STOX2: variants seen among roughly 807,000 people sequenced by gnomAD.
STOX2 encodes storkhead-box protein 2.
In STOX2, 28 loss-of-function variants were observed where a neutral mutation model predicts 60.9. That is an observed-to-expected ratio of 0.46 (90% confidence interval 0.34 to 0.63). STOX2 has a LOEUF of 0.63. Among genes scored for constraint, STOX2 ranks in the 30% least tolerant of loss-of-function variants. The pLI is 0.01. For synonymous variants in STOX2, 472 were observed against 463.9 expected (o/e 1.02, Z -0.22); for missense variants, 1,024 against 1,187.7 (o/e 0.86, Z 2.03).
Position 183,949,684 on chromosome 4 carries a change from C to T in STOX2, c.166+42728C>T, listed in dbSNP as rs149691041. 4.6e-5 allele frequency among the ~76,000 whole-genome samples: 7 copies of T among 152,214 alleles called. No homozygotes were observed. The East Asian group carries it at 9.6e-4, about 21-fold the overall frequency. On this transcript the variant is annotated intron_variant, in intron 1 of 3. Transcript: ENST00000308497. ...TTGTACTCCAGCCTGGGCGACAGGG[C>T]GAGACTCCGTATCAAAATCAAACAA...
intron 1 of STOX2, among the ~76,000 whole-genome samples, chr4:183,986,020 G>T (rs1732826029): frequency 6.6e-6 from 1 of 152,036 alleles, no homozygotes; most frequent in Non-Finnish European, 1.5e-5. Context: ...CTGGTGCTGG[G>T]CCCTAGGCTC....
chr4:184,008,855 T>C (rs535645600), intron 2 of STOX2, among the ~76,000 whole-genome samples: 77 of 152,366 alleles, frequency 5.1e-4, no homozygotes, highest in African/African-American at 1.8e-3. Flanking sequence ...AAAAATATTC[T>C]GTCTTTCCTG....
At chr4:183,925,769 T>G (rs78047168) in intron 1 of STOX2, among the ~76,000 whole-genome samples, 3,153 of 152,342 alleles carry the variant, frequency 0.021, 128 homozygotes, top group African/African-American at 0.071. Flanking sequence ...TTTAATGGAA[T>G]GCAGTCTTAT....
chr4:183,834,319 G>A (rs187663030), intron 1 of STOX2, among the ~76,000 whole-genome samples: 8 of 152,232 alleles, frequency 5.3e-5, no homozygotes, highest in African/African-American at 1.2e-4. Context: ...GTTTTGCACC[G>A]TGCAGCCTGT....
intron 1 of STOX2, among the ~76,000 whole-genome samples, chr4:183,908,597 T>G (rs1273922685): frequency 7.9e-5 from 12 of 151,542 alleles, no homozygotes; most frequent in Admixed American, 4.6e-4. Flanking sequence ...AGCCAGTTTT[T>G]TTTTTTTTTT....
chr4:183,816,028 C>T (rs998202706), intron 1 of STOX2, among the ~76,000 whole-genome samples: 5 of 152,286 alleles, frequency 3.3e-5, no homozygotes, highest in East Asian at 1.9e-4. Flanking sequence ...ACATCTTCCT[C>T]ACTTTGCAGG....
chr4:184,006,028 T>G (rs11132216), intron 2 of STOX2, among the ~76,000 whole-genome samples: 111,617 of 151,998 alleles, frequency 0.73, 41,970 homozygotes, highest in Non-Finnish European at 0.83. Flanking sequence ...AACTTGTTTT[T>G]AATGGTAAGT....
intron 1 of STOX2, among the ~76,000 whole-genome samples, chr4:183,968,439 T>G (rs1380386914): frequency 3.3e-5 from 5 of 151,976 alleles, no homozygotes; most frequent in Non-Finnish European, 7.4e-5. Context: ...TATGAGAAAT[T>G]TTCTTTGTTG....
Position 183,817,069 on chromosome 4 carries a change from G to A in STOX2, c.364+19014G>A, listed in dbSNP as rs145991111. Among the ~76,000 whole-genome samples, 329 of 152,332 alleles carry A rather than the reference G, an allele frequency of 2.2e-3. 8 individuals are homozygous for A. The highest frequency in any genetic ancestry group is 7.3e-3 in the African/African-American group (304 of 41,574). ...TCAACTCCTGGTGAGTGCAGCACAT[G>A]CCTCAAGTCATGAGAGATGGAAAAG... On this transcript the variant is annotated intron_variant, in intron 1 of 2. Transcript: ENST00000513034.
At chr4:183,826,851 T>G (rs958594368) in intron 1 of STOX2, among the ~76,000 whole-genome samples, 19 of 152,230 alleles carry the variant, frequency 1.2e-4, no homozygotes, top group Admixed American at 1.1e-3. Context: ...TCCTCTCTGA[T>G]CTCAGCATTG....
intron 1 of STOX2, among the ~76,000 whole-genome samples, chr4:183,881,377 C>T (rs1740955810): frequency 6.6e-6 from 1 of 152,148 alleles, no homozygotes. Context: ...GGTGGTGCGC[C>T]TGTAGCCCCA....
At chr4:183,880,497 T>G (rs963697826) in intron 1 of STOX2, among the ~76,000 whole-genome samples, 6 of 152,222 alleles carry the variant, frequency 3.9e-5, no homozygotes, top group African/African-American at 1.4e-4. Flanking sequence ...TGAAAGCTAC[T>G]GTTAGAATTT....
intron 1 of STOX2, among the ~76,000 whole-genome samples, chr4:183,868,191 A>G (rs1031833905): frequency 6.6e-6 from 1 of 152,024 alleles, no homozygotes; most frequent in African/African-American, 2.4e-5. Flanking sequence ...CATAGAAACT[A>G]CTTTGCTAAT....
At chr4:183,959,516 A>G (rs1429366487) in intron 1 of STOX2, among the ~76,000 whole-genome samples, 1 of 152,190 alleles carries the variant, frequency 6.6e-6, no homozygotes, top group African/African-American at 2.4e-5. Context: ...GATCAAATCT[A>G]AAACATGTGT....
At chr4:183,943,067 C>T (rs963279224) in intron 1 of STOX2, among the ~76,000 whole-genome samples, 6 of 152,152 alleles carry the variant, frequency 3.9e-5, no homozygotes, top group African/African-American at 1.4e-4. Flanking sequence ...CTTGAGATTC[C>T]TAACTTTAAA....
In STOX2 at chr4:184,009,375, G is replaced by C; in HGVS notation, c.537G>C (p.Thr179=). 1 of 1,613,944 alleles carries C rather than the reference G, an allele frequency of 6.2e-7. No homozygotes were observed. Among genetic ancestry groups the C allele is most frequent in the African/African-American group, 1.3e-5 (1 of 75,012 alleles). Residue 179 remains threonine (T), a synonymous_variant, in exon 3 of 4, where the codon ACG becomes ACC. Coordinates refer to ENST00000308497, the MANE Select transcript of STOX2 (RefSeq NM_020225.3). This position sits in a 1 kb window ranked among gnomAD's most constrained non-coding sequence, Gnocchi z 4.0. The part of the protein sequence containing the change: ...QCTSPQPGTI[T]PSASGCVRER... ...CCTCTCCGCAACCCGGGACCATCACGCCCTCTGCCTCAGGCTGTGTCAGGG... is the reference window on the plus strand; with the variant it reads ...CCTCTCCGCAACCCGGGACCATCACCCCCTCTGCCTCAGGCTGTGTCAGGG...
Position 183,856,961 on chromosome 4 carries a change from T to G in STOX2, c.364+58906T>G, listed in dbSNP as rs1300354569. Among the ~76,000 whole-genome samples the G allele has an allele frequency of 6.6e-6, 1 of 152,002 alleles. No individual in the cohort carries two copies. Among genetic ancestry groups the G allele is most frequent in the Non-Finnish European group, 1.5e-5 (1 of 68,000 alleles). On this transcript the variant is annotated intron_variant, in intron 1 of 2. Transcript: ENST00000513034. The surrounding 1 kb of genome is among the most constrained non-coding windows in gnomAD (Gnocchi z 4.0). ...ACATGTGAAGAGGCAGGGAGGGAGA[T>G]GAGTGGATAATTAGATTAAATTGTG... is the stretch of plus-strand genomic sequence containing the variant.
intron 1 of STOX2, among the ~76,000 whole-genome samples, chr4:183,912,025 G>A (rs1359751986): frequency 6.6e-6 from 1 of 152,142 alleles, no homozygotes; most frequent in Non-Finnish European, 1.5e-5. Flanking sequence ...GTAGGAAAAG[G>A]CTAGTCTTCT....
rs1162433951 is a variant in STOX2 at position 184,018,964 on chromosome 4, A to G, written c.*1680A>G. The stretch of plus-strand genomic sequence containing the variant: ...ATAAATCTAGAATATTTTCACCTCC[A>G]ATTTCAGTAATTGGCATATGATTTG... On this transcript the variant is annotated 3_prime_UTR_variant, in exon 4 of 4. Transcript: ENST00000308497. The G allele has an allele frequency of 2.0e-5, 3 of 152,180 alleles. No individual in the cohort carries two copies. The highest frequency in any genetic ancestry group is 4.8e-5 in the African/African-American group (2 of 41,440). The allele number at this position is 152,180 out of a possible 1,614,324, so 9.4% of individuals were successfully genotyped here. A position where few individuals can be genotyped will look rare whatever the true frequency, so the allele number is the denominator to read the frequency against.
Sources: allele counts gnomAD v4.1 joint callset (sites outside exome capture counted in the v4.1 genomes callset), GRCh38; gene constraint gnomAD v4.1.1; non-coding constraint Gnocchi (gnomAD v3.1); transcripts MANE v1.5; gene names NCBI Gene and HGNC (gene_info 2026-07-23, HGNC 2026-07-21).